CSPP1: variants seen among roughly 807,000 people sequenced by gnomAD.
CSPP1 encodes the protein centrosome and spindle pole associated protein 1, also known as centrosome and spindle pole-associated protein 1.
A neutral mutation model predicts 164.4 loss-of-function variants in CSPP1; 126 were observed. The ratio of observed to expected loss-of-function variants is 0.77; its 90% CI spans 0.66 to 0.89. The LOEUF (loss-of-function observed/expected upper bound fraction) is 0.89, where lower values mean the gene tolerates loss of function less well. Among genes scored for constraint, CSPP1 ranks in the 40% least tolerant of loss-of-function variants. The pLI is 0.00. For synonymous variants in CSPP1, 472 were observed against 476.7 expected (o/e 0.99, Z 0.13); for missense variants, 1,395 against 1,449.8 (o/e 0.96, Z 0.61).
At position 67,064,445 on chromosome 8, in the gene CSPP1, A is replaced by G. The variant is rs1805077545; in HGVS notation, c.-104A>G. On this transcript the variant is annotated 5_prime_UTR_variant, in exon 1 of 31. Coordinates refer to ENST00000678616, the MANE Select transcript of CSPP1 (RefSeq NM_001382391.1). ...GCCGCTGTAACCTCTTCGGTCCGCG[A>G]CGATCCTCTAGAGCACTGTGTGTCT... 6.2e-7 allele frequency: 1 copy of G among 1,613,940 alleles called. No individual in the cohort carries two copies.
chr8:67,076,201 T>C (rs1017570863), intron 2 of CSPP1, among the ~76,000 whole-genome samples: 1 of 152,186 alleles, frequency 6.6e-6, no homozygotes, highest in African/African-American at 2.4e-5. Context: ...ATGGCAGAAA[T>C]TCTTCTATTT....
At chr8:67,141,283 A>C (rs1173250814) in intron 17 of CSPP1, among the ~76,000 whole-genome samples, 4 of 152,156 alleles carry the variant, frequency 2.6e-5, no homozygotes, top group Non-Finnish European at 5.9e-5. Flanking sequence ...GCATGGAGAA[A>C]ATGTTTCCAC....
Position 67,187,860 on chromosome 8 carries a change from C to T in CSPP1, c.3221-2790C>T, listed in dbSNP as rs75420914. Among the ~76,000 whole-genome samples the T allele has an allele frequency of 6.6e-5, 10 of 152,276 alleles. No homozygotes were observed. The East Asian group carries it at 7.7e-4, about 12-fold the overall frequency. ...TGTGAAAAAATAAACATAGATCTTA[C>T]GCCCTTCACAAAAATTAACTCAAAG... On this transcript the variant is annotated intron_variant, in intron 28 of 30. Transcript: ENST00000678616.
chr8:67,147,766 G>T (rs1289226251), intron 17 of CSPP1, among the ~76,000 whole-genome samples: 1 of 151,948 alleles, frequency 6.6e-6, no homozygotes, highest in Non-Finnish European at 1.5e-5. Context: ...CTAGGTTTGT[G>T]AGCATGATCT....
At chr8:67,172,306 TTAA>T in intron 24 of CSPP1, 107 bp from the exon 25 acceptor site, 2 of 792,514 alleles carry the variant, frequency 2.5e-6, no homozygotes, top group Admixed American at 2.3e-5. Flanking sequence ...GAGTAATTTT[TTAA>T]TAATATGATG....
chr8:67,169,192 G>A (rs1830038476), intron 24 of CSPP1, among the ~76,000 whole-genome samples: 1 of 152,156 alleles, frequency 6.6e-6, no homozygotes, highest in African/African-American at 2.4e-5. Context: ...AGTGCTGACT[G>A]AAGCAGCAGT....
intron 28 of CSPP1, among the ~76,000 whole-genome samples, chr8:67,188,529 G>A (rs1211552772): frequency 6.6e-6 from 1 of 152,202 alleles, no homozygotes; most frequent in East Asian, 1.9e-4. Context: ...ATTTGAGCTG[G>A]GAGTGGCAAC....
chr8:67,097,450 A>G (rs1796061913), intron 7 of CSPP1, among the ~76,000 whole-genome samples: 1 of 152,186 alleles, frequency 6.6e-6, no homozygotes, highest in African/African-American at 2.4e-5. Context: ...TTTATACTTC[A>G]GAAAATTCTC....
rs372529707 is a variant in CSPP1, at chr8:67,091,816, C to G, written c.317C>G (p.Ser106Cys). The G allele has an allele frequency of 1.4e-5, 18 of 1,327,838 alleles. No homozygotes were observed. Among genetic ancestry groups the G allele is most frequent in the Non-Finnish European group, 1.7e-5 (17 of 997,960 alleles). 82.3% of individuals were successfully genotyped at this position (1,327,838 alleles called of 1,614,324 possible). Reference sequence around the variant, plus strand: ...GTATATATACAGAAAAATTTTCTATCTACGAGTGAAACAGATCCATCTACT... The same window carrying G: ...GTATATATACAGAAAAATTTTCTATGTACGAGTGAAACAGATCCATCTACT... ...RRYLTQKNFL[S>C]TSETDPSTLG... is the part of the protein sequence containing the mutation. The change falls in exon 5 of 31, where the codon TCT becomes TGT. Residue 106 changes from serine (S) to cysteine (C), a missense_variant. Physicochemically the swap from Ser to Cys is moderately radical, Grantham distance 112 (BLOSUM62 -1). Transcript: ENST00000678616.
intron 3 of CSPP1, among the ~76,000 whole-genome samples, chr8:67,080,336 C>T (rs985319393): frequency 6.6e-6 from 1 of 152,204 alleles, no homozygotes; most frequent in Non-Finnish European, 1.5e-5. Context: ...TGAAAACAAT[C>T]TATTGATAGC....
At chr8:67,080,360 A>G (rs1392323644) in intron 3 of CSPP1, among the ~76,000 whole-genome samples, 1 of 152,260 alleles carries the variant, frequency 6.6e-6, no homozygotes, top group African/African-American at 2.4e-5. Flanking sequence ...TAGTACAACT[A>G]TCATACAACA....
At chr8:67,104,882 C>G (rs1267700121) in intron 8 of CSPP1, among the ~76,000 whole-genome samples, 1 of 146,156 alleles carries the variant, frequency 6.8e-6, no homozygotes, top group East Asian at 2.1e-4. Context: ...TCAGGTAATT[C>G]GCCCGCCTTG....
chr8:67,104,280 T>G (rs1174447212), intron 8 of CSPP1, among the ~76,000 whole-genome samples: 1 of 152,004 alleles, frequency 6.6e-6, no homozygotes, highest in Non-Finnish European at 1.5e-5. Flanking sequence ...TTTTTTCTTT[T>G]TTGAGACAGA....
At chr8:67,137,109 G>A (rs1384714931) in intron 16 of CSPP1, among the ~76,000 whole-genome samples, 1 of 152,022 alleles carries the variant, frequency 6.6e-6, no homozygotes, top group Non-Finnish European at 1.5e-5. Flanking sequence ...AGACACCCAA[G>A]TAGCTGGGAT....
intron 28 of CSPP1, among the ~76,000 whole-genome samples, chr8:67,183,912 G>C (rs1006608763): frequency 1.6e-4 from 23 of 145,840 alleles, no homozygotes; most frequent in Middle Eastern, 3.5e-3. Context: ...GAGCGTGATG[G>C]CGTGATCTTG....
chr8:67,127,888 A>T (rs952221523), intron 15 of CSPP1, among the ~76,000 whole-genome samples: 2 of 152,202 alleles, frequency 1.3e-5, no homozygotes, highest in African/African-American at 4.8e-5. Context: ...CAAACCAATG[A>T]CTTTCAAATA....
intron 6 of CSPP1, among the ~76,000 whole-genome samples, chr8:67,094,119 GAAAAAAAAAAAA>G (rs71249416): frequency 3.4e-5 from 1 of 29,452 alleles, no homozygotes; most frequent in Non-Finnish European, 5.3e-5. Context: ...GACCTGGTCT[GAAAAAAAAAAAA>G]AAAAAAAAAA....
chr8:67,131,565 T>C (rs72654949), intron 15 of CSPP1, among the ~76,000 whole-genome samples: 7,760 of 152,362 alleles, frequency 0.051, 263 homozygotes, highest in Non-Finnish European at 0.073. Flanking sequence ...GAAGTAATTT[T>C]ATTAGTAAAT....
chr8:67,086,866 GTCCTCC>G, intron 4 of CSPP1: 1 of 1,321,836 alleles, frequency 7.6e-7, no homozygotes, highest in Non-Finnish European at 1.0e-6. Flanking sequence ...TCTGCAATAC[GTCCTCC>G]TTCAGTTTTT....
Sources: gnomAD v4.1 joint callset for allele counts (sites outside exome capture counted in the v4.1 genomes callset) on GRCh38, gnomAD v4.1.1 for gene constraint, MANE v1.5 for transcripts, NCBI Gene and HGNC (gene_info 2026-07-23, HGNC 2026-07-21) for gene names.